The following ZNF600 variants were observed in gnomAD, a reference collection of about 807,000 sequenced individuals.
ZNF600 encodes zinc finger protein KR-ZNF1.
A neutral mutation model predicts 7.3 loss-of-function variants in ZNF600; 4 were observed. The ratio of observed to expected loss-of-function variants is 0.55; its 90% CI spans 0.27 to 1.25. The LOEUF is 1.25. Among genes scored for constraint, ZNF600 ranks in the 50% most tolerant of loss-of-function variants. The pLI is 0.12. For synonymous variants in ZNF600, 290 were observed against 308.9 expected (o/e 0.94, Z 0.64); for missense variants, 911 against 922.1 (o/e 0.99, Z 0.16).
At chr19:52,799,482 GT>G in the ZNF600 span, 2 of 966,658 alleles carry the variant, frequency 2.1e-6, no homozygotes, top group Admixed American at 4.1e-5. Context: ...TGCAAGGGTT[GT>G]TTTTTGATTA....
the ZNF600 span, among the ~76,000 whole-genome samples, chr19:52,829,017 C>T: frequency 1.9e-3 from 283 of 152,154 alleles, 2 homozygotes; most frequent in African/African-American, 6.2e-3. Flanking sequence ...CCTGCCACCA[C>T]GCCTGGCTAA....
chr19:52,830,693 G>A, the ZNF600 span, among the ~76,000 whole-genome samples: 1 of 151,800 alleles, frequency 6.6e-6, no homozygotes, highest in African/African-American at 2.4e-5. Context: ...CTTACTCAGG[G>A]AGAGTAGTGT....
rs531549992 is a variant in ZNF600, at chr19:52,772,950, G to A, written c.190+1625C>T. ...CATGGATCATGTGCTGAGTCATGAT[G>A]CCCTGCACACACTGATTTAAGCGGC... On this transcript the variant is annotated intron_variant, in intron 3 of 3. Transcript: ENST00000648973. Among the ~76,000 whole-genome samples, 513 of 152,302 alleles carry A rather than the reference G, an allele frequency of 3.4e-3. 2 individuals carry two copies. The highest frequency in any genetic ancestry group is 0.012 in the African/African-American group (498 of 41,520).
chr19:52,791,799 C>G (rs530556403), upstream of ZNF600, among the ~76,000 whole-genome samples: 1 of 152,228 alleles, frequency 6.6e-6, no homozygotes, highest in Non-Finnish European at 1.5e-5. Context: ...GAGCCTCCCC[C>G]ACGAGGCAGC....
chr19:52,813,482 G>A, the ZNF600 span, among the ~76,000 whole-genome samples: 7 of 121,168 alleles, frequency 5.8e-5, no homozygotes, highest in Non-Finnish European at 1.1e-4. Context: ...GCGGGCGGGG[G>A]TGGTAGGAGG....
chr19:52,820,102 T>C, the ZNF600 span, among the ~76,000 whole-genome samples: 1 of 138,960 alleles, frequency 7.2e-6, no homozygotes, highest in Non-Finnish European at 1.5e-5. Flanking sequence ...GCAACTTATT[T>C]AACCTCTTTT....
intron 3 of ZNF600, among the ~76,000 whole-genome samples, chr19:52,769,615 C>T (rs964424223): frequency 2.6e-5 from 4 of 152,178 alleles, no homozygotes; most frequent in Non-Finnish European, 5.9e-5. Context: ...ATCTTGCTGG[C>T]AGTGGTCCCC....
At chr19:52,792,371 C>T in the ZNF600 span, among the ~76,000 whole-genome samples, 146 of 152,210 alleles carry the variant, frequency 9.6e-4, 3 homozygotes, top group East Asian at 0.024. Flanking sequence ...CAAAGTCACC[C>T]CTCTGCTCCC....
upstream of ZNF600, among the ~76,000 whole-genome samples, chr19:52,787,237 A>G (rs1285187263): frequency 6.6e-6 from 1 of 151,992 alleles, no homozygotes; most frequent in East Asian, 1.9e-4. Flanking sequence ...CCTGCTGCCT[A>G]AACACAGCAG....
the ZNF600 span, chr19:52,798,788 A>G: frequency 1.3e-6 from 1 of 744,314 alleles, no homozygotes; most frequent in Non-Finnish European, 2.2e-6. Flanking sequence ...CTCATTATGG[A>G]TTCTCCAATG....
the ZNF600 span, among the ~76,000 whole-genome samples, chr19:52,823,816 G>A: frequency 2.6e-5 from 4 of 151,968 alleles, no homozygotes; most frequent in Admixed American, 2.6e-4. Flanking sequence ...TAATCCCAGC[G>A]TTTTGGAAGG....
chr19:52,765,946 G>A, exon 4 of ZNF600: 4 of 1,614,194 alleles, frequency 2.5e-6, no homozygotes, highest in Non-Finnish European at 3.4e-6. Flanking sequence ...TCTGCAGTGT[G>A]AATTCTGGTA....
the ZNF600 span, chr19:52,801,628 T>C: frequency 6.2e-7 from 1 of 1,614,096 alleles, no homozygotes; most frequent in Non-Finnish European, 8.5e-7. Flanking sequence ...CTTTGCAATG[T>C]CCCTGTGTGG....
intron 1 of ZNF600, among the ~76,000 whole-genome samples, chr19:52,779,834 A>ATCACTTGG: frequency 6.6e-6 from 1 of 152,142 alleles, no homozygotes; most frequent in Non-Finnish European, 1.5e-5. Context: ...TGGGGTCAAG[A>ATCACTTGG]GGTGGACACC....
chr19:52,824,344 G>T, the ZNF600 span, among the ~76,000 whole-genome samples: 1 of 151,992 alleles, frequency 6.6e-6, no homozygotes, highest in Non-Finnish European at 1.5e-5. Flanking sequence ...TTGATTTAAA[G>T]CTATCCATGA....
chr19:52,825,256 T>C, the ZNF600 span, among the ~76,000 whole-genome samples: 1 of 152,132 alleles, frequency 6.6e-6, no homozygotes, highest in Non-Finnish European at 1.5e-5. Flanking sequence ...AGTGACAAAC[T>C]GGGAAGGACT....
the ZNF600 span, among the ~76,000 whole-genome samples, chr19:52,807,264 C>T: frequency 2.0e-5 from 3 of 152,268 alleles, no homozygotes; most frequent in South Asian, 6.2e-4. Flanking sequence ...AGAGTCCCAG[C>T]CCTATGTTTC....
At chr19:52,796,018 C>G in the ZNF600 span, among the ~76,000 whole-genome samples, 6 of 152,118 alleles carry the variant, frequency 3.9e-5, no homozygotes, top group African/African-American at 1.4e-4. Context: ...CTACTAGGAA[C>G]ACAAAAATTT....
chr19:52,806,632 C>CA, the ZNF600 span, among the ~76,000 whole-genome samples: 1 of 151,036 alleles, frequency 6.6e-6, no homozygotes, highest in Non-Finnish European at 1.5e-5. Context: ...TTAGGCATGG[C>CA]AGCTCATGCC....
Sources: gnomAD v4.1 joint callset for allele counts (sites outside exome capture counted in the v4.1 genomes callset) on GRCh38, gnomAD v4.1.1 for gene constraint, MANE v1.5 for transcripts, NCBI Gene and HGNC (gene_info 2026-07-23, HGNC 2026-07-21) for gene names.